The following ZNF627 variants were observed in gnomAD, a reference collection of about 807,000 sequenced individuals.
The protein encoded by ZNF627 is zinc finger protein 627.
Under a neutral mutation model 10.6 loss-of-function variants are expected in ZNF627, and 12 were observed. The observed-to-expected ratio is 1.13, with a 90% CI of 0.73 to 1.84. ZNF627 has a LOEUF of 1.84. Among genes scored for constraint, ZNF627 ranks in the 40% most tolerant of loss-of-function variants. The pLI is 0.00. For missense variants in ZNF627, 504 were observed against 568.4 expected, an observed-to-expected ratio of 0.89 and a Z score of 1.15; for synonymous variants, 176 against 187.1, an observed-to-expected ratio of 0.94 and a Z score of 0.48.
At chr19:11,615,909 G>A (rs1162804977) in intron 3 of ZNF627, among the ~76,000 whole-genome samples, 1 of 150,194 alleles carries the variant, frequency 6.7e-6, no homozygotes. Flanking sequence ...AGTAGAGACA[G>A]GGTTTCACCA....
chr19:11,611,544 T>C (rs747522874), intron 1 of ZNF627, among the ~76,000 whole-genome samples: 13 of 152,218 alleles, frequency 8.5e-5, no homozygotes, highest in Non-Finnish European at 1.6e-4. Context: ...AAGAAATCAA[T>C]GCCAGACCCA....
chr19:11,608,225 A>G (rs931646593), intron 1 of ZNF627, among the ~76,000 whole-genome samples: 1 of 152,028 alleles, frequency 6.6e-6, no homozygotes, highest in African/African-American at 2.4e-5. Flanking sequence ...TGATTAAATT[A>G]CCTCTCACCG....
intron 1 of ZNF627, among the ~76,000 whole-genome samples, chr19:11,605,855 A>T (rs1973665463): frequency 6.6e-6 from 1 of 151,974 alleles, no homozygotes; most frequent in Non-Finnish European, 1.5e-5. Context: ...ACAAGTCCAA[A>T]CTCATCTGAG....
intron 1 of ZNF627, among the ~76,000 whole-genome samples, chr19:11,610,536 G>A (rs1369721926): frequency 2.6e-5 from 4 of 152,070 alleles, no homozygotes; most frequent in East Asian, 1.9e-4. Flanking sequence ...TAGGGAGGTC[G>A]AGGTTGCAAT....
chr19:11,611,141 C>A (rs1973765876), intron 1 of ZNF627, among the ~76,000 whole-genome samples: 1 of 152,222 alleles, frequency 6.6e-6, no homozygotes, highest in Non-Finnish European at 1.5e-5. Context: ...GTGTGAGCTA[C>A]TGTGCCCGAC....
rs369953823 is a variant in ZNF627 at position 11,617,310 on chromosome 19, T to C, written c.807T>C (p.His269=). 2.5e-6 allele frequency: 4 copies of C among 1,613,908 alleles called. No individual in the cohort carries two copies. The highest frequency in any genetic ancestry group is 2.7e-5 in the African/African-American group (2 of 74,910). ...GTTGTTCCAAGTACATTCGAATCCA[T>C]GAACGAACTCACACAGGAGAGAAAC... ...AFSCSKYIRI[H]ERTHTGEKPY... Residue 269 remains histidine (H), a synonymous_variant, in exon 4 of 4, where the codon CAT becomes CAC. Transcript: ENST00000361113.
chr19:11,614,787 TA>T, intron 2 of ZNF627, 39 bp from the exon 3 acceptor site: 1 of 1,589,710 alleles, frequency 6.3e-7, no homozygotes, highest in Non-Finnish European at 8.6e-7. Flanking sequence ...TTCATAATTT[TA>T]TACTAATTCA....
Position 11,616,684 on chromosome 19 carries a change from T to A in ZNF627, c.192-11T>A. ...AAACATTAATAATGTACTTCTCATT[T>A]TTCTGACAAGTCATATTCCAGAGAG... On this transcript the variant is annotated splice_polypyrimidine_tract_variant and intron_variant, in intron 3 of 3. Coordinates refer to ENST00000361113, the MANE Select transcript of ZNF627 (RefSeq NM_145295.4). The A allele has an allele frequency of 6.6e-7, 1 of 1,525,430 alleles. No homozygotes were observed. Among genetic ancestry groups the A allele is most frequent in the Non-Finnish European group, 8.8e-7 (1 of 1,133,356 alleles). The allele number at this position is 1,525,430 out of a possible 1,614,324, so 94.5% of individuals were successfully genotyped here.
At chr19:11,615,082 G>T (rs1973843385) in intron 3 of ZNF627, among the ~76,000 whole-genome samples, 195 bp downstream of exon 3, 1 of 151,476 alleles carries the variant, frequency 6.6e-6, no homozygotes, top group South Asian at 2.1e-4. Context: ...GAGTAGCTAG[G>T]ACTACAGGCA....
At chr19:11,601,745 C>T (rs887616983) in intron 1 of ZNF627, among the ~76,000 whole-genome samples, 4 of 151,500 alleles carry the variant, frequency 2.6e-5, no homozygotes, top group African/African-American at 9.7e-5. Flanking sequence ...TGGTGGCTCA[C>T]GTCTGTAATC....
At position 11,617,220 on chromosome 19, in the gene ZNF627, A is replaced by G. The variant is rs1973887258; in HGVS notation, c.717A>G (p.Arg239=). ...GKAFSCSSYI[R]IHERTHTGDK... ...CCTTCAGTTGTTCCAGTTACATTAGAATACATGAAAGGACTCACACTGGAG... is the reference window on the plus strand; with the variant it reads ...CCTTCAGTTGTTCCAGTTACATTAGGATACATGAAAGGACTCACACTGGAG... The change falls in exon 4 of 4, where the codon AGA becomes AGG. Residue 239 remains arginine, a synonymous_variant. Coordinates refer to ENST00000361113, the MANE Select transcript of ZNF627 (RefSeq NM_145295.4). 2 of 1,613,784 alleles carry G rather than the reference A, an allele frequency of 1.2e-6. No homozygotes were observed. The highest frequency in any genetic ancestry group is 1.3e-5 in the African/African-American group (1 of 74,960).
intron 1 of ZNF627, among the ~76,000 whole-genome samples, chr19:11,607,950 T>C (rs554120470): frequency 6.6e-6 from 1 of 152,340 alleles, no homozygotes; most frequent in Non-Finnish European, 1.5e-5. Context: ...CAATTTACTA[T>C]ATTAGTCCAT....
rs376323400 is a variant in ZNF627 at position 11,616,795 on chromosome 19, G to T, written c.292G>T (p.Val98Leu). 2 of 1,614,040 alleles carry T rather than the reference G, an allele frequency of 1.2e-6. No homozygotes were observed. Among genetic ancestry groups the T allele is most frequent in the South Asian group, 2.2e-5 (2 of 91,088 alleles). The change falls in exon 4 of 4, where the codon GTA becomes TTA. Residue 98 changes from valine to leucine, a missense_variant. By Grantham distance (32) the Val-to-Leu change is conservative (BLOSUM62 1). Coordinates refer to ENST00000361113, the MANE Select transcript of ZNF627 (RefSeq NM_145295.4). Reference sequence around the variant, plus strand: ...TATTCTGAACAAGAAAACTCCTGGAGTAAAACCGTGTGAAAGCAGTGTGTG... The same window carrying T: ...TATTCTGAACAAGAAAACTCCTGGATTAAAACCGTGTGAAAGCAGTGTGTG... Reference protein sequence around the residue: ...DGILNKKTPGVKPCESSVCGE... With the variant: ...DGILNKKTPGLKPCESSVCGE...
chr19:11,603,111 T>G (rs180840608), intron 1 of ZNF627, among the ~76,000 whole-genome samples: 79 of 151,752 alleles, frequency 5.2e-4, no homozygotes, highest in Non-Finnish European at 9.0e-4. Context: ...CCAAAAAGAG[T>G]TTTTTTTTGG....
chr19:11,601,057 A>C (rs1012287254), intron 1 of ZNF627, among the ~76,000 whole-genome samples: 1 of 152,192 alleles, frequency 6.6e-6, no homozygotes, highest in African/African-American at 2.4e-5. Context: ...GTGACTTGAA[A>C]CTAAGACCAA....
intron 1 of ZNF627, among the ~76,000 whole-genome samples, chr19:11,603,408 A>G (rs1375222021): frequency 1.4e-5 from 2 of 145,226 alleles, no homozygotes; most frequent in Non-Finnish European, 3.0e-5. Context: ...CAGTCTCCCA[A>G]CAAGCTAGGA....
chr19:11,615,021 A>C, intron 3 of ZNF627, 134 bp downstream of exon 3: 3 of 672,172 alleles, frequency 4.5e-6, no homozygotes, highest in Admixed American at 3.2e-5. Flanking sequence ...ATCTTGGCTC[A>C]CTGCAACCTC....
rs72489415 is a variant in ZNF627 at position 11,606,196 on chromosome 19, G to T, written c.4-8331G>T. On this transcript the variant is annotated intron_variant, in intron 1 of 3. Transcript: ENST00000361113. ...CTGTATTAAAAATACAAAAAATTAG[G>T]CATGGTGGCACGCGCCTGTAATCCC... Among the ~76,000 whole-genome samples the T allele has an allele frequency of 0.011, 1,722 of 152,020 alleles. 71 individuals carry two copies. In the East Asian group the frequency reaches 0.13, roughly 11 times the overall value.
chr19:11,616,180 C>T (rs768437355), intron 3 of ZNF627, among the ~76,000 whole-genome samples: 14 of 151,278 alleles, frequency 9.3e-5, no homozygotes, highest in African/African-American at 1.2e-4. Context: ...TGGGATTACA[C>T]GCGTGCTCCA....
Sources: allele counts gnomAD v4.1 joint callset (sites outside exome capture counted in the v4.1 genomes callset), GRCh38; gene constraint gnomAD v4.1.1; transcripts MANE v1.5; gene names NCBI Gene and HGNC (gene_info 2026-07-23, HGNC 2026-07-21).